Variants in MAP2 observed in about 807,000 individuals in gnomAD.
MAP2 encodes microtubule associated protein 2.
In MAP2, 14 loss-of-function variants were observed where a neutral mutation model predicts 137.6. The ratio of observed to expected loss-of-function variants is 0.10; its 90% CI spans 0.07 to 0.16. The LOEUF (loss-of-function observed/expected upper bound fraction) is 0.16. MAP2 is among the 10% of genes least tolerant of loss of function. The pLI is 1.00. For missense variants in MAP2, 2,088 were observed against 2,191.5 expected, an observed-to-expected ratio of 0.95 and a Z score of 0.94; for synonymous variants, 786 against 782.3, an observed-to-expected ratio of 1.00 and a Z score of -0.08.
intron 3 of MAP2, among the ~76,000 whole-genome samples, chr2:209,599,861 A>G (rs1043583059): frequency 1.3e-5 from 2 of 152,184 alleles, no homozygotes; most frequent in African/African-American, 4.8e-5. Context: ...AGGTGTATAA[A>G]ACAGGAATGA....
In MAP2 at chr2:209,593,854, TA is replaced by T. The variant is rs1388201210; in HGVS notation, c.-107+13758del. On this transcript the variant is annotated intron_variant, in intron 3 of 15. Transcript: ENST00000682079. ...TTATATTATATTATAATATATATTA[TA>T]AAATATATATTTATATTATAAAAAT... 3.9e-5 allele frequency among the ~76,000 whole-genome samples: 4 copies of T among 103,374 alleles called. No individual in the cohort carries two copies. The South Asian group carries it at 8.0e-4, about 21-fold the overall frequency. The allele number at this position is 103,374 out of a possible 152,430, so 67.8% of individuals were successfully genotyped here.
In MAP2 at chr2:209,732,260, G is replaced by C. The variant is rs2075867795; in HGVS notation, c.*1863G>C. 1 of 152,188 alleles carries C rather than the reference G, an allele frequency of 6.6e-6. No individual in the cohort carries two copies. The highest frequency in any genetic ancestry group is 6.5e-5 in the Admixed American group (1 of 15,280). The allele number at this position is 152,188 out of a possible 1,614,324, so 9.4% of individuals were successfully genotyped here. ...CAAGACAAAAGCCAAGGGATGCAAAGGCAGAGACACAGGTGCTTTTTGGTG... is the reference window on the plus strand; with the variant it reads ...CAAGACAAAAGCCAAGGGATGCAAACGCAGAGACACAGGTGCTTTTTGGTG... On this transcript the variant is annotated 3_prime_UTR_variant, in exon 16 of 16. Coordinates refer to ENST00000682079, the MANE Select transcript of MAP2 (RefSeq NM_001375505.1).
At chr2:209,424,702 A>G (rs1245325242) in intron 1 of MAP2, among the ~76,000 whole-genome samples, 1 of 152,230 alleles carries the variant, frequency 6.6e-6, no homozygotes, top group Non-Finnish European at 1.5e-5. Context: ...GCTGCAGAGA[A>G]CTGCACACTG....
rs1403109000 is a variant in MAP2, at chr2:209,580,107, CAT to C, written c.-107+8_-107+9del. The C allele has an allele frequency of 1.3e-5, 2 of 151,842 alleles. No individual in the cohort carries two copies. Among genetic ancestry groups the C allele is most frequent in the Admixed American group, 6.6e-5 (1 of 15,226 alleles). The allele number at this position is 151,842 out of a possible 1,614,324, so 9.4% of individuals were successfully genotyped here. ...TCATTCAGAAAATTAAAAGGTACCA[CAT>C]GTTTTGTTTGGATGTTTTAATGAGG... On this transcript the variant is annotated splice_region_variant and intron_variant, in intron 3 of 15. Transcript: ENST00000682079.
chr2:209,605,127 A>G (rs1340761418), intron 3 of MAP2, among the ~76,000 whole-genome samples: 1 of 152,214 alleles, frequency 6.6e-6, no homozygotes, highest in Non-Finnish European at 1.5e-5. Context: ...AGGCTGTTTT[A>G]GAAAACAATT....
intron 1 of MAP2, among the ~76,000 whole-genome samples, chr2:209,460,659 A>G (rs928277903): frequency 9.2e-6 from 1 of 108,628 alleles, no homozygotes; most frequent in Non-Finnish European, 1.9e-5. Flanking sequence ...CTCTTTTTTC[A>G]TCTTTTAACT....
intron 1 of MAP2, among the ~76,000 whole-genome samples, chr2:209,439,153 C>T (rs1192726723): frequency 6.6e-6 from 1 of 151,372 alleles, no homozygotes; most frequent in Non-Finnish European, 1.5e-5. Flanking sequence ...AAATGGAGAA[C>T]AAAGAGGGGT....
At chr2:209,513,764 A>C (rs1275291883) in intron 2 of MAP2, among the ~76,000 whole-genome samples, 1 of 152,116 alleles carries the variant, frequency 6.6e-6, no homozygotes, top group East Asian at 1.9e-4. Context: ...TCAAAATGAA[A>C]GCAATTCTGG....
intron 5 of MAP2, among the ~76,000 whole-genome samples, chr2:209,660,185 T>C (rs1031940358): frequency 6.6e-6 from 1 of 152,060 alleles, no homozygotes; most frequent in African/African-American, 2.4e-5. Context: ...CTCCCCATCA[T>C]TTCCAGGCAT....
At chr2:209,713,367 A>G (rs2066193567) in intron 13 of MAP2, among the ~76,000 whole-genome samples, 1 of 152,162 alleles carries the variant, frequency 6.6e-6, no homozygotes, top group African/African-American at 2.4e-5. Flanking sequence ...TTAAGGTCCA[A>G]TTTCTGTTGG....
intron 2 of MAP2, among the ~76,000 whole-genome samples, chr2:209,525,895 A>G (rs2063965608): frequency 6.6e-6 from 1 of 152,028 alleles, no homozygotes; most frequent in African/African-American, 2.4e-5. Context: ...GATTAGTTCC[A>G]TTTCCTGTCA....
intron 4 of MAP2, among the ~76,000 whole-genome samples, chr2:209,635,884 T>C (rs549598912): frequency 2.2e-4 from 34 of 152,242 alleles, no homozygotes; most frequent in Non-Finnish European, 4.3e-4. Flanking sequence ...TGGCCTTTCC[T>C]ACAAGCATGT....
chr2:209,467,339 C>T (rs2149668810), intron 1 of MAP2, among the ~76,000 whole-genome samples: 2 of 152,224 alleles, frequency 1.3e-5, no homozygotes, highest in South Asian at 4.1e-4. Flanking sequence ...ATCTTCTGTC[C>T]TATCACTCTC....
intron 1 of MAP2, among the ~76,000 whole-genome samples, chr2:209,470,808 C>T (rs1705496676): frequency 1.3e-5 from 2 of 152,108 alleles, no homozygotes; most frequent in South Asian, 4.1e-4. Context: ...AAGGGAACAC[C>T]TTTTTGAGGG....
chr2:209,560,917 A>G (rs1258205845), intron 2 of MAP2, among the ~76,000 whole-genome samples: 1 of 152,238 alleles, frequency 6.6e-6, no homozygotes, highest in Non-Finnish European at 1.5e-5. Flanking sequence ...ACAGATTATG[A>G]TAAATTGGAC....
chr2:209,725,992 G>A (rs1447851831), intron 14 of MAP2, among the ~76,000 whole-genome samples: 2 of 152,080 alleles, frequency 1.3e-5, no homozygotes, highest in African/African-American at 4.8e-5. Context: ...CAATGAAGAG[G>A]ACACATTTTA....
intron 1 of MAP2, among the ~76,000 whole-genome samples, chr2:209,435,948 T>C (rs906122925): frequency 1.8e-5 from 1 of 56,144 alleles, no homozygotes; most frequent in Admixed American, 2.7e-4. Flanking sequence ...TAATATATAC[T>C]ATATATACAG....
chr2:209,729,801 T>TA (rs1182684511), intron 14 of MAP2, 49 bp from the exon 15 acceptor site: 1 of 1,291,858 alleles, frequency 7.7e-7, no homozygotes, highest in East Asian at 2.3e-5. Flanking sequence ...GGGAAATAGT[T>TA]ACCACGAATG....
intron 1 of MAP2, among the ~76,000 whole-genome samples, chr2:209,455,888 T>C (rs76149745): frequency 0.032 from 4,819 of 152,200 alleles, 281 homozygotes; most frequent in African/African-American, 0.11. Context: ...ACTACCACCA[T>C]TACTGTGAAT....
Sources: allele counts gnomAD v4.1 joint callset (sites outside exome capture counted in the v4.1 genomes callset), GRCh38; gene constraint gnomAD v4.1.1; transcripts MANE v1.5; gene names NCBI Gene and HGNC (gene_info 2026-07-23, HGNC 2026-07-21).